Variants in KLHL29 observed in about 807,000 individuals in gnomAD.
KLHL29 encodes kelch-like protein 29.
KLHL29 carries 21 observed loss-of-function variants against 80.4 expected under a neutral mutation model. The observed-to-expected ratio is 0.26, with a 90% CI of 0.19 to 0.38. The LOEUF is 0.38. Among genes scored for constraint, KLHL29 ranks in the 10% least tolerant of loss-of-function variants. KLHL29 has a pLI of 1.00. For synonymous variants in KLHL29, 511 were observed against 526.8 expected (o/e 0.97, Z 0.41); for missense variants, 867 against 1,223.9 (o/e 0.71, Z 4.35).
At chr2:23,613,493 C>T (rs1199186158) in intron 3 of KLHL29, among the ~76,000 whole-genome samples, 3 of 152,126 alleles carry the variant, frequency 2.0e-5, no homozygotes, top group South Asian at 4.1e-4. Context: ...TGGCCGGGCA[C>T]GGTGGCTCGT....
chr2:23,603,823 CT>C (rs1275233775), intron 3 of KLHL29, among the ~76,000 whole-genome samples: 4 of 152,256 alleles, frequency 2.6e-5, no homozygotes, highest in Non-Finnish European at 5.9e-5. Flanking sequence ...GAAAGGAAGG[CT>C]GCACTCAGCC....
intron 5 of KLHL29, among the ~76,000 whole-genome samples, chr2:23,658,167 A>G (rs1670298457): frequency 6.7e-6 from 1 of 149,178 alleles, no homozygotes; most frequent in Non-Finnish European, 1.5e-5. Flanking sequence ...CACCCTACTC[A>G]CACCCTTCAA....
At chr2:23,591,581 G>T (rs1267269294) in intron 3 of KLHL29, among the ~76,000 whole-genome samples, 6 of 150,500 alleles carry the variant, frequency 4.0e-5, no homozygotes, top group Non-Finnish European at 8.8e-5. Flanking sequence ...CTCTAGGTCT[G>T]TCCATTCTGT....
chr2:23,549,496 G>A (rs1417112437), intron 2 of KLHL29, among the ~76,000 whole-genome samples: 1 of 151,874 alleles, frequency 6.6e-6, no homozygotes, highest in Non-Finnish European at 1.5e-5. Context: ...TAAAAACACG[G>A]ACATAGAATA....
intron 2 of KLHL29, among the ~76,000 whole-genome samples, chr2:23,538,231 G>T (rs1666729664): frequency 6.6e-6 from 1 of 152,202 alleles, no homozygotes; most frequent in Non-Finnish European, 1.5e-5. Flanking sequence ...AAGTAAGGCA[G>T]CCCTTCTCAA....
In KLHL29 at chr2:23,444,283, CCTTAA is replaced by C. The variant is rs1389689529; in HGVS notation, c.-153-31273_-153-31269del. On this transcript the variant is annotated intron_variant, in intron 1 of 13. Coordinates refer to ENST00000486442, the MANE Select transcript of KLHL29 (RefSeq NM_052920.2). ...CAGATTTAGAACTCAAGATTTTTTT[CCTTAA>C]CTTTTTACCTTTTTATATATATTTC... 3.3e-5 allele frequency among the ~76,000 whole-genome samples: 5 copies of C among 152,094 alleles called. 1 individual carries two copies. The South Asian group carries it at 8.3e-4, about 25-fold the overall frequency.
At chr2:23,415,345 A>G (rs1666958086) in intron 1 of KLHL29, among the ~76,000 whole-genome samples, 1 of 152,220 alleles carries the variant, frequency 6.6e-6, no homozygotes, top group African/African-American at 2.4e-5. Flanking sequence ...CTGCCCAGGA[A>G]GGAAAGGTGT....
chr2:23,551,048 A>G (rs1030824465), intron 2 of KLHL29, among the ~76,000 whole-genome samples: 7 of 152,244 alleles, frequency 4.6e-5, no homozygotes, highest in Non-Finnish European at 1.0e-4. Flanking sequence ...CACGAGAACA[A>G]GCAGTTAGAA....
At chr2:23,506,519 T>C (rs1353357408) in intron 2 of KLHL29, among the ~76,000 whole-genome samples, 1 of 152,212 alleles carries the variant, frequency 6.6e-6, no homozygotes, top group Non-Finnish European at 1.5e-5. Flanking sequence ...CTCCACCGCC[T>C]TGCCAGGGAC....
chr2:23,536,932 T>TCTCC (rs1666685224), intron 2 of KLHL29, among the ~76,000 whole-genome samples: 2 of 148,870 alleles, frequency 1.3e-5, no homozygotes, highest in African/African-American at 2.5e-5. Context: ...TCTCTCTCCC[T>TCTCC]CTCTCGCTCT....
intron 5 of KLHL29, among the ~76,000 whole-genome samples, chr2:23,679,855 A>G (rs1485621967): frequency 6.6e-6 from 1 of 152,128 alleles, no homozygotes; most frequent in African/African-American, 2.4e-5. Context: ...GTGGTGAAGG[A>G]TAAATACTGC....
Position 23,642,803 on chromosome 2 carries a change from C to T in KLHL29, c.893C>T (p.Thr298Ile). ...DSAHGLQMLR[T>I]IGVGKYEFTD... The stretch of plus-strand genomic sequence containing the variant: ...GCCCACGGGCTGCAGATGCTGCGGA[C>T]CATTGGCGTGGGGAAGTATGAGTTC... Residue 298 changes from threonine to isoleucine, a missense_variant, in exon 5 of 14, where the codon ACC (threonine) becomes ATC (isoleucine). Physicochemically the swap from Thr to Ile is moderately conservative, Grantham distance 89. This residue lies in a region of KLHL29 where 424 missense variants were observed against 456.9 expected (regional missense o/e 0.93). Transcript: ENST00000486442. The T allele has an allele frequency of 1.3e-6, 2 of 1,550,460 alleles. No homozygotes were observed. Among genetic ancestry groups the T allele is most frequent in the Non-Finnish European group, 1.7e-6 (2 of 1,146,912 alleles).
intron 1 of KLHL29, among the ~76,000 whole-genome samples, chr2:23,442,716 C>A (rs56372022): frequency 0.035 from 5,270 of 151,962 alleles, 116 homozygotes; most frequent in Middle Eastern, 0.068. Context: ...GTTACAGCAG[C>A]GAGAGGAAAC....
chr2:23,444,622 A>C (rs1663622239), intron 1 of KLHL29, among the ~76,000 whole-genome samples: 1 of 152,156 alleles, frequency 6.6e-6, no homozygotes, highest in Non-Finnish European at 1.5e-5. Context: ...CACTGCACCC[A>C]GCATCAAACT....
At chr2:23,661,340 T>TA (rs11483622) in intron 5 of KLHL29, among the ~76,000 whole-genome samples, 68,277 of 134,806 alleles carry the variant, frequency 0.51, 18,661 homozygotes, top group East Asian at 0.75. Context: ...AGACCCTGTC[T>TA]AAAAAAAAAA....
At chr2:23,591,494 C>T (rs1414881540) in intron 3 of KLHL29, among the ~76,000 whole-genome samples, 2 of 144,840 alleles carry the variant, frequency 1.4e-5, no homozygotes, top group Non-Finnish European at 3.0e-5. Flanking sequence ...TGATGTGGAG[C>T]CCCCATCCCA....
chr2:23,621,303 G>C (rs1294397160), intron 3 of KLHL29, among the ~76,000 whole-genome samples: 1 of 152,234 alleles, frequency 6.6e-6, no homozygotes, highest in Non-Finnish European at 1.5e-5. Flanking sequence ...ACCTGCTGCT[G>C]ACTTCCATCT....
At chr2:23,549,461 T>C (rs4665221) in intron 2 of KLHL29, among the ~76,000 whole-genome samples, 24,903 of 146,114 alleles carry the variant, frequency 0.17, 3,145 homozygotes, top group African/African-American at 0.34. Context: ...TCTGGGCTTC[T>C]TTTTTTTTTT....
chr2:23,388,127 G>A (rs953536621), intron 1 of KLHL29, among the ~76,000 whole-genome samples: 5 of 151,982 alleles, frequency 3.3e-5, no homozygotes, highest in African/African-American at 1.2e-4. Flanking sequence ...ATGGGGGGTG[G>A]GGATCTAGTG....
Sources: allele counts gnomAD v4.1 joint callset (sites outside exome capture counted in the v4.1 genomes callset), GRCh38; gene constraint gnomAD v4.1.1; regional missense constraint gnomAD v4.1.1; transcripts MANE v1.5; gene names NCBI Gene and HGNC (gene_info 2026-07-23, HGNC 2026-07-21).